Variants in IGSF8 observed in about 807,000 individuals in gnomAD.
The protein encoded by IGSF8 is immunoglobulin superfamily member 8.
Under a neutral mutation model 55.5 loss-of-function variants are expected in IGSF8, and 46 were observed. The observed-to-expected ratio is 0.83, with a 90% confidence interval of 0.65 to 1.06. IGSF8 has a LOEUF of 1.06. IGSF8 is among the 50% of genes least tolerant of loss of function. IGSF8 has a pLI of 0.00. For synonymous variants in IGSF8, 314 were observed against 356.1 expected (o/e 0.88, Z 1.33); for missense variants, 731 against 832.3 (o/e 0.88, Z 1.50).
chr1:160,091,524 G>A lies in IGSF8; in HGVS notation c.*100C>T, dbSNP rs760092104. On this transcript the variant is annotated 3_prime_UTR_variant, in exon 7 of 7. Coordinates refer to ENST00000314485, the MANE Select transcript of IGSF8 (RefSeq NM_052868.6). ...GTAGTGGGAGGTCAAATAAATTAAAGGAAGAGTGGACAGAGGGAGAGGGTG... is the reference window on the plus strand; with the variant it reads ...GTAGTGGGAGGTCAAATAAATTAAAAGAAGAGTGGACAGAGGGAGAGGGTG... The A allele has an allele frequency of 1.9e-5, 7 of 369,842 alleles. No individual in the cohort carries two copies. Among genetic ancestry groups the A allele is most frequent in the Non-Finnish European group, 2.5e-5 (5 of 199,022 alleles). The allele number at this position is 369,842 out of a possible 1,614,324, so 22.9% of individuals were successfully genotyped here. A position where few individuals can be genotyped will look rare whatever the true frequency, so the allele number is the denominator to read the frequency against.
At chr1:160,093,678 C>A in intron 3 of IGSF8, 32 bp downstream of exon 3, 1 of 1,544,818 alleles carries the variant, frequency 6.5e-7, no homozygotes, top group Non-Finnish European at 8.8e-7. Context: ...TCCCTCCCAG[C>A]TCCCACAGTG....
chr1:160,093,239 G>T lies in IGSF8; in HGVS notation c.997C>A (p.Pro333Thr). ...ELLCNVSGAL[P>T]PAGRHAAYSV... Reference sequence around the variant, plus strand: ...TATGCAGCATGACGGCCTGCTGGGGGAAGTGCCCCTGACACATTGCACAGC... The same window carrying T: ...TATGCAGCATGACGGCCTGCTGGGGTAAGTGCCCCTGACACATTGCACAGC... Residue 333 changes from proline (P) to threonine (T), a missense_variant, in exon 4 of 7, where the codon CCC (proline) becomes ACC (threonine). Physicochemically the swap from Pro to Thr is conservative, Grantham distance 38. Transcript: ENST00000314485. 1 of 1,614,098 alleles carries T rather than the reference G, an allele frequency of 6.2e-7. No homozygotes were observed. Among genetic ancestry groups the T allele is most frequent in the Non-Finnish European group, 8.5e-7 (1 of 1,179,976 alleles).
At chr1:160,095,401 G>A (rs1487523934) in intron 1 of IGSF8, 155 bp from the exon 2 acceptor site, 1 of 762,924 alleles carries the variant, frequency 1.3e-6, no homozygotes, top group Non-Finnish European at 2.1e-6. Context: ...ATAGGAAAGG[G>A]ATGCTGTGAT....
Position 160,093,076 on chromosome 1 carries a change from C to T in IGSF8, c.1160G>A (p.Arg387Lys), listed in dbSNP as rs1650107879. 1 of 1,614,156 alleles carries T rather than the reference C, an allele frequency of 6.2e-7. No individual in the cohort carries two copies. The highest frequency in any genetic ancestry group is 2.2e-5 in the East Asian group (1 of 44,886). The change falls in exon 4 of 7, where the codon AGA becomes AAA. Residue 387 changes from arginine (R) to lysine (K), a missense_variant. Arg to Lys is a conservative substitution (Grantham distance 26). Transcript: ENST00000314485. ...AGCCTCTAGCCGTAGCCGGTATGTTCTGGATGCCACCTTCTCCATGGCAAT... is the reference window on the plus strand; with the variant it reads ...AGCCTCTAGCCGTAGCCGGTATGTTTTGGATGCCACCTTCTCCATGGCAAT... ...RHIAMEKVAS[R>K]TYRLRLEAAR...
In IGSF8 at chr1:160,092,558, G is replaced by A. The variant is rs1437242066; in HGVS notation, c.1450C>T (p.Pro484Ser). Residue 484 changes from proline to serine, a missense_variant, in exon 5 of 7, where the codon CCA becomes TCA. Coordinates refer to ENST00000314485, the MANE Select transcript of IGSF8 (RefSeq NM_052868.6). The part of the protein sequence containing the change: ...RLAASWWVER[P>S]EDGELSSVPA... ...ACAGAGCTGAGCTCTCCGTCCTCTG[G>A]TCGCTCCACCCACCAGCTGGCGGCC... The A allele has an allele frequency of 1.2e-6, 2 of 1,610,850 alleles. No homozygotes were observed. The highest frequency in any genetic ancestry group is 2.2e-5 in the East Asian group (1 of 44,870).
chr1:160,094,718 T>C lies in IGSF8; in HGVS notation c.442+151A>G. On this transcript the variant is annotated intron_variant, in intron 2 of 6. Transcript: ENST00000314485. The surrounding 1 kb of genome is among the most constrained non-coding windows in gnomAD (Gnocchi z 4.0). ...TTTGAGTCCCACATCAGCCACTGAG[T>C]TATTGGGTGACTTTGTGCAAATCAC... 1.2e-6 allele frequency: 1 copy of C among 815,182 alleles called. No homozygotes were observed. Among genetic ancestry groups the C allele is most frequent in the Non-Finnish European group, 1.9e-6 (1 of 528,484 alleles). The allele number at this position is 815,182 out of a possible 1,614,324, so 50.5% of individuals were successfully genotyped here.
chr1:160,096,488 C>T (rs1650445023), intron 1 of IGSF8, among the ~76,000 whole-genome samples: 1 of 152,180 alleles, frequency 6.6e-6, no homozygotes, highest in South Asian at 2.1e-4. Context: ...CATGGACTTT[C>T]TGCAGGAGCT....
In IGSF8 at chr1:160,092,321, C is replaced by T; in HGVS notation, c.1687G>A (p.Ala563Thr). Residue 563 changes from alanine to threonine, a missense_variant, in exon 5 of 7, where the codon GCC becomes ACC. Physicochemically the swap from Ala to Thr is moderately conservative, Grantham distance 58. Coordinates refer to ENST00000314485, the MANE Select transcript of IGSF8 (RefSeq NM_052868.6). ...TAGACTGTAACAGGCCCTGAGCGGGCACTGCCCGCCTGGTACCAGCTGTAG... is the reference window on the plus strand; with the variant it reads ...TAGACTGTAACAGGCCCTGAGCGGGTACTGCCCGCCTGGTACCAGCTGTAG... ...ADYSWYQAGS[A>T]RSGPVTVYPY... The T allele has an allele frequency of 1.2e-6, 2 of 1,614,100 alleles. No homozygotes were observed. Among genetic ancestry groups the T allele is most frequent in the Non-Finnish European group, 1.7e-6 (2 of 1,179,954 alleles).
In IGSF8 at chr1:160,093,216, T is replaced by G; in HGVS notation, c.1020A>C (p.Ala340=). The stretch of plus-strand genomic sequence containing the variant: ...GTGCCATCTCCCAACCTACAGAGTA[T>G]GCAGCATGACGGCCTGCTGGGGGAA... ...GALPPAGRHA[A]YSVGWEMAPA... Residue 340 remains alanine, a synonymous_variant, in exon 4 of 7, where the codon GCA becomes GCC. Transcript: ENST00000314485. 6.2e-7 allele frequency: 1 copy of G among 1,614,062 alleles called. No homozygotes were observed.
At chr1:160,097,657 T>C in intron 1 of IGSF8, 1 of 984,290 alleles carries the variant, frequency 1.0e-6, no homozygotes, top group Non-Finnish European at 1.2e-6. Context: ...CCACTGTCAT[T>C]ATCCCCATGC....
rs760071810 is a variant in IGSF8 at position 160,093,787 on chromosome 1, A to G, written c.827T>C (p.Ile276Thr). Residue 276 changes from isoleucine to threonine, a missense_variant, in exon 3 of 7, where the codon ATT (isoleucine) becomes ACT (threonine). Transcript: ENST00000314485. ...GGCCCAGCTGCCATCAGGATCCTGA[A>G]TCCACTCAGCGGCAGTGCAGTGGTA... ...GTYHCTAAEW[I>T]QDPDGSWAQI... 6.2e-7 allele frequency: 1 copy of G among 1,613,930 alleles called. No homozygotes were observed. Among genetic ancestry groups the G allele is most frequent in the East Asian group, 2.2e-5 (1 of 44,896 alleles).
chr1:160,093,056 C>G lies in IGSF8; in HGVS notation c.1180G>C (p.Glu394Gln), dbSNP rs764004963. ...VASRTYRLRL[E>Q]AARPGDAGTY... ...CCCGCATCACCAGGCCTGGCAGCCTCTAGCCGTAGCCGGTATGTTCTGGAT... is the reference window on the plus strand; with the variant it reads ...CCCGCATCACCAGGCCTGGCAGCCTGTAGCCGTAGCCGGTATGTTCTGGAT... The change falls in exon 4 of 7, where the codon GAG becomes CAG. Residue 394 changes from glutamate (E) to glutamine (Q), a missense_variant. By Grantham distance (29) the Glu-to-Gln change is conservative. Coordinates refer to ENST00000314485, the MANE Select transcript of IGSF8 (RefSeq NM_052868.6). 137 of 1,613,784 alleles carry G rather than the reference C, an allele frequency of 8.5e-5. No homozygotes were observed. The highest frequency in any genetic ancestry group is 1.1e-4 in the Non-Finnish European group (128 of 1,179,986).
rs1650104902 is a variant in IGSF8, at chr1:160,093,046, C to G, written c.1190G>C (p.Arg397Thr). ...GCGGTAGGTGCCCGCATCACCAGGC[C>G]TGGCAGCCTCTAGCCGTAGCCGGTA... ...RTYRLRLEAA[R>T]PGDAGTYRCL... The change falls in exon 4 of 7, where the codon AGG becomes ACG. Residue 397 changes from arginine (R) to threonine (T), a missense_variant. Coordinates refer to ENST00000314485, the MANE Select transcript of IGSF8 (RefSeq NM_052868.6). 4 of 1,614,066 alleles carry G rather than the reference C, an allele frequency of 2.5e-6. No individual in the cohort carries two copies. In the East Asian group the frequency reaches 8.9e-5, roughly 36 times the overall value.
rs767443984 is a variant in IGSF8 at position 160,094,051 on chromosome 1, G to T, written c.563C>A (p.Ala188Glu). 2 of 1,613,784 alleles carry T rather than the reference G, an allele frequency of 1.2e-6. No homozygotes were observed. Among genetic ancestry groups the T allele is most frequent in the Non-Finnish European group, 1.7e-6 (2 of 1,180,038 alleles). The part of the protein sequence containing the change: ...EGQELALGCL[A>E]RTSTQKHTHL... ...TGTGTGCTTCTGTGTGCTTGTCCTCGCCAGGCAGCCCAGTGCCAGCTCCTG... is the reference window on the plus strand; with the variant it reads ...TGTGTGCTTCTGTGTGCTTGTCCTCTCCAGGCAGCCCAGTGCCAGCTCCTG... The change falls in exon 3 of 7, where the codon GCG (alanine) becomes GAG (glutamate). Residue 188 changes from alanine (A) to glutamate (E), a missense_variant. Transcript: ENST00000314485. This position sits in a 1 kb window ranked among gnomAD's most constrained non-coding sequence, Gnocchi z 4.0.
chr1:160,094,474 T>G lies in IGSF8; in HGVS notation c.443-303A>C, dbSNP rs531479442. ...TTTCTTCTCAGAAGACAAAGAAACT[T>G]AAGAGAGTGAGAATGTCACATGGTC... is the stretch of plus-strand genomic sequence containing the variant. On this transcript the variant is annotated intron_variant, in intron 2 of 6. Coordinates refer to ENST00000314485, the MANE Select transcript of IGSF8 (RefSeq NM_052868.6). The surrounding 1 kb of genome is among the most constrained non-coding windows in gnomAD (Gnocchi z 4.0). Among the ~76,000 whole-genome samples the G allele has an allele frequency of 6.6e-6, 1 of 152,238 alleles. No homozygotes were observed. Among genetic ancestry groups the G allele is most frequent in the African/African-American group, 2.4e-5 (1 of 41,526 alleles).
chr1:160,092,935 A>C lies in IGSF8; in HGVS notation c.1301T>G (p.Val434Gly). The C allele has an allele frequency of 6.3e-7, 1 of 1,597,356 alleles. No individual in the cohort carries two copies. The highest frequency in any genetic ancestry group is 8.6e-7 in the Non-Finnish European group (1 of 1,166,522). The change falls in exon 4 of 7, where the codon GTG becomes GGG. Residue 434 changes from valine to glycine, a missense_variant. By Grantham distance (109) the Val-to-Gly change is moderately radical. Coordinates refer to ENST00000314485, the MANE Select transcript of IGSF8 (RefSeq NM_052868.6). Reference protein sequence around the residue: ...SARSRPLPVHVREEGVVLEAV... With the variant: ...SARSRPLPVHGREEGVVLEAV... Reference sequence around the variant, plus strand: ...CAGCCCCCTCTCACCTTCCTCCCGCACATGTACAGGGAGAGGCCGGGAACG... The same window carrying C: ...CAGCCCCCTCTCACCTTCCTCCCGCCCATGTACAGGGAGAGGCCGGGAACG...
rs925416379 is a variant in IGSF8 at position 160,092,418 on chromosome 1, T to A, written c.1590A>T (p.Arg530Ser). Residue 530 changes from arginine (R) to serine (S), a missense_variant, in exon 5 of 7, where the codon AGA becomes AGT. Transcript: ENST00000314485. ...CATCCTCGGGCCCCAAGCTGTGTAG[T>A]CTCAGCCGATGGCTTCGGGGCCCCA... is the stretch of plus-strand genomic sequence containing the variant. Reference protein sequence around the residue: ...ELVGPRSHRLRLHSLGPEDEG... With the variant: ...ELVGPRSHRLSLHSLGPEDEG... 1 of 1,610,322 alleles carries A rather than the reference T, an allele frequency of 6.2e-7. No homozygotes were observed. The highest frequency in any genetic ancestry group is 8.5e-7 in the Non-Finnish European group (1 of 1,177,328).
At position 160,094,879 on chromosome 1, in the gene IGSF8, C is replaced by T. The variant is rs772680838; in HGVS notation, c.432G>A (p.Val144=). 2.5e-6 allele frequency: 4 copies of T among 1,612,412 alleles called. No individual in the cohort carries two copies. The Admixed American group carries it at 6.7e-5, about 27-fold the overall frequency. The change falls in exon 2 of 7, where the codon GTG becomes GTA. Residue 144 remains valine (V), a synonymous_variant. Coordinates refer to ENST00000314485, the MANE Select transcript of IGSF8 (RefSeq NM_052868.6). The surrounding 1 kb of genome is among the most constrained non-coding windows in gnomAD (Gnocchi z 4.0). ...TRYLGSYSGK[V]ELRVLPDVLQ... is the part of the protein sequence containing the mutation. ...CCCAGGGCCCAGTACCTCTCAGCTCCACCTTGCCGCTGTAGCTGCCCAGGT... is the reference window on the plus strand; with the variant it reads ...CCCAGGGCCCAGTACCTCTCAGCTCTACCTTGCCGCTGTAGCTGCCCAGGT...
chr1:160,091,785 G>C, intron 6 of IGSF8, 23 bp downstream of exon 6: 7 of 1,474,880 alleles, frequency 4.7e-6, no homozygotes, highest in Non-Finnish European at 5.7e-6. Context: ...TGAAAACAAG[G>C]TTGGGGGGTT....
Sources: allele counts gnomAD v4.1 joint callset (sites outside exome capture counted in the v4.1 genomes callset), GRCh38; gene constraint gnomAD v4.1.1; non-coding constraint Gnocchi (gnomAD v3.1); transcripts MANE v1.5; gene names NCBI Gene and HGNC (gene_info 2026-07-23, HGNC 2026-07-21).